Variants in STK17B observed in about 807,000 individuals in gnomAD.
STK17B encodes serine/threonine-protein kinase 17B.
In STK17B, 21 loss-of-function variants were observed where a neutral mutation model predicts 42.0. The observed-to-expected ratio is 0.50, with a 90% CI of 0.35 to 0.72. STK17B has a LOEUF of 0.72. STK17B is among the 30% of genes least tolerant of loss of function. STK17B has a pLI of 0.00. For synonymous variants in STK17B, 143 were observed against 148.4 expected (o/e 0.96, Z 0.26); for missense variants, 349 against 446.0 (o/e 0.78, Z 1.96).
intron 5 of STK17B, among the ~76,000 whole-genome samples, chr2:196,142,602 T>C (rs4563244): frequency 0.64 from 97,719 of 152,164 alleles, 31,697 homozygotes; most frequent in East Asian, 0.9. Context: ...AGAAACTGTT[T>C]CCTAAAGCCT....
At chr2:196,164,982 G>T (rs1699859125) in intron 1 of STK17B, among the ~76,000 whole-genome samples, 1 of 152,100 alleles carries the variant, frequency 6.6e-6, no homozygotes, top group Non-Finnish European at 1.5e-5. Context: ...AGACACCTGG[G>T]TCTGAATTCC....
intron 3 of STK17B, chr2:196,153,998 G>A (rs1174531618): frequency 1.3e-5 from 2 of 152,340 alleles, no homozygotes; most frequent in South Asian, 2.1e-4. Context: ...AGCACTTTGG[G>A]AGGCCGAGGT....
intron 3 of STK17B, among the ~76,000 whole-genome samples, chr2:196,152,159 C>T (rs925015460): frequency 2.0e-5 from 3 of 148,752 alleles, no homozygotes; most frequent in South Asian, 2.1e-4. Context: ...CAGCCTGGCG[C>T]GTAGTGGTGC....
intron 4 of STK17B, 142 bp downstream of exon 4, chr2:196,145,769 C>A (rs1011903957): frequency 1.2e-5 from 8 of 684,432 alleles, no homozygotes; most frequent in Non-Finnish European, 8.9e-6. Flanking sequence ...CACATAGGCA[C>A]ACGTAAGCAA....
intron 2 of STK17B, among the ~76,000 whole-genome samples, chr2:196,160,111 G>T (rs1347478477): frequency 6.6e-6 from 1 of 152,102 alleles, no homozygotes; most frequent in African/African-American, 2.4e-5. Context: ...TTTAAGAAAA[G>T]TTAAAGCATT....
At position 196,161,391 on chromosome 2, in the gene STK17B, C is replaced by T. The variant is rs1699810184; in HGVS notation, c.122+1871G>A. Among the ~76,000 whole-genome samples the T allele has an allele frequency of 2.0e-5, 3 of 151,572 alleles. No individual in the cohort carries two copies. The South Asian group carries it at 6.2e-4, about 32-fold the overall frequency. ...AAAACATTTTAAAAGGTTCTAAAAA[C>T]TCTATCTTTTAATACACCATTAAAA... is the stretch of plus-strand genomic sequence containing the variant. On this transcript the variant is annotated intron_variant, in intron 2 of 7. Transcript: ENST00000263955.
intron 2 of STK17B, among the ~76,000 whole-genome samples, chr2:196,156,861 T>C (rs1389768955): frequency 6.6e-6 from 1 of 152,168 alleles, no homozygotes; most frequent in Non-Finnish European, 1.5e-5. Flanking sequence ...AATGGCAAAC[T>C]ATAACAACAG....
At chr2:196,138,151 A>G (rs1699434838) in intron 7 of STK17B, among the ~76,000 whole-genome samples, 1 of 152,206 alleles carries the variant, frequency 6.6e-6, no homozygotes, top group Non-Finnish European at 1.5e-5. Context: ...ATAAAAAGTA[A>G]AATTGTTTTC....
intron 2 of STK17B, among the ~76,000 whole-genome samples, chr2:196,161,576 T>C (rs1699813279): frequency 7.3e-6 from 1 of 136,434 alleles, no homozygotes; most frequent in Admixed American, 8.8e-5. Context: ...TGGAGTGCAG[T>C]GGCATGATAT....
At chr2:196,150,179 T>TAAAAAAAAAAAAAAAAAAAAAAAAAC (rs143244008) in intron 3 of STK17B, among the ~76,000 whole-genome samples, 2 of 113,516 alleles carry the variant, frequency 1.8e-5, no homozygotes, top group Non-Finnish European at 3.6e-5. Context: ...GAGCAGTGAC[T>TAAAAAAAAAAAAAAAAAAAAAAAAAC]AAAAAAAAAA....
Position 196,143,608 on chromosome 2 carries a change from C to T in STK17B, c.559G>A (p.Gly187Arg), listed in dbSNP as rs1699524437. 4 of 1,609,098 alleles carry T rather than the reference C, an allele frequency of 2.5e-6. No homozygotes were observed. The highest frequency in any genetic ancestry group is 3.4e-6 in the Non-Finnish European group (4 of 1,177,754). Residue 187 changes from glycine to arginine, a missense_variant, in exon 5 of 8, where the codon GGG (glycine) becomes AGG (arginine). Physicochemically the swap from Gly to Arg is moderately radical, Grantham distance 125. Transcript: ENST00000263955. The part of the protein sequence containing the change: ...IVDFGMSRKI[G>R]HACELREIMG... ...ATTTCCCGAAGTTCACACGCATGCC[C>T]TATTTTTCGAGACATTCCAAAATCT... is the stretch of plus-strand genomic sequence containing the variant.
chr2:196,139,544 G>A, intron 7 of STK17B, 76 bp downstream of exon 7: 1 of 895,812 alleles, frequency 1.1e-6, no homozygotes, highest in Non-Finnish European at 1.5e-6. Flanking sequence ...TTTCTTAATA[G>A]GTATATATTA....
At chr2:196,159,336 G>T (rs1231667404) in intron 2 of STK17B, among the ~76,000 whole-genome samples, 1 of 146,852 alleles carries the variant, frequency 6.8e-6, no homozygotes, top group South Asian at 2.1e-4. Context: ...TTGAGACAGG[G>T]TCTCGACTCT....
intron 1 of STK17B, 94 bp from the exon 2 acceptor site, chr2:196,163,521 T>TA (rs368212420): frequency 0.023 from 16,686 of 733,784 alleles, 26 homozygotes; most frequent in African/African-American, 0.039. Context: ...AAAATACAAC[T>TA]AAAAAAAAAA....
At chr2:196,160,601 T>A (rs748035526) in intron 2 of STK17B, among the ~76,000 whole-genome samples, 24 of 152,192 alleles carry the variant, frequency 1.6e-4, no homozygotes, top group Non-Finnish European at 2.6e-4. Flanking sequence ...ATATTAAAAT[T>A]GGTAACAATA....
intron 5 of STK17B, 128 bp from the exon 6 acceptor site, chr2:196,141,425 T>A: frequency 1.5e-6 from 1 of 687,384 alleles, no homozygotes. Flanking sequence ...TTTGGGAGGC[T>A]GAGGCAGGCA....
chr2:196,155,915 T>C (rs3792232), intron 3 of STK17B, among the ~76,000 whole-genome samples: 89,148 of 152,112 alleles, frequency 0.59, 26,918 homozygotes, highest in East Asian at 0.9. Flanking sequence ...CATAGTGCTT[T>C]ACACATTACA....
At chr2:196,143,489 T>C in intron 5 of STK17B, 71 bp downstream of exon 5, 3 of 1,363,358 alleles carry the variant, frequency 2.2e-6, no homozygotes, top group Admixed American at 2.5e-5. Flanking sequence ...TGCTCTAAAA[T>C]ATAGTTCTAC....
At chr2:196,150,875 C>A (rs1699656642) in intron 3 of STK17B, among the ~76,000 whole-genome samples, 1 of 152,190 alleles carries the variant, frequency 6.6e-6, no homozygotes, top group African/African-American at 2.4e-5. Flanking sequence ...ATACCAATCT[C>A]CCTTTTTGGA....
Sources: allele counts gnomAD v4.1 joint callset (sites outside exome capture counted in the v4.1 genomes callset), GRCh38; gene constraint gnomAD v4.1.1; transcripts MANE v1.5; gene names NCBI Gene and HGNC (gene_info 2026-07-23, HGNC 2026-07-21).